The following NUAK1 variants were observed in gnomAD, a reference collection of about 807,000 sequenced individuals.
NUAK1 encodes NUAK family kinase 1.
A neutral mutation model predicts 56.9 loss-of-function variants in NUAK1; 26 were observed. The observed-to-expected ratio is 0.46, with a 90% CI of 0.33 to 0.63. The LOEUF (loss-of-function observed/expected upper bound fraction) is 0.63, where lower values mean the gene tolerates loss of function less well. Ranked by LOEUF, NUAK1 falls within the 30% of genes least tolerant of loss-of-function variation. NUAK1 has a pLI of 0.02. For synonymous variants in NUAK1, 337 were observed against 336.0 expected, an observed-to-expected ratio of 1.00 and a Z score of -0.03; for missense variants, 727 against 876.1, an observed-to-expected ratio of 0.83 and a Z score of 2.15.
intron 2 of NUAK1, among the ~76,000 whole-genome samples, chr12:106,102,408 GC>G (rs2032758956): frequency 6.6e-6 from 1 of 152,232 alleles, no homozygotes; most frequent in South Asian, 2.1e-4. Context: ...GTAGCCACTA[GC>G]CTCCTGTGGC....
chr12:106,070,262 C>T (rs935418750), intron 6 of NUAK1, among the ~76,000 whole-genome samples: 5 of 152,232 alleles, frequency 3.3e-5, no homozygotes, highest in African/African-American at 7.2e-5. Flanking sequence ...GAGATGATTT[C>T]ATGGTTGTGT....
chr12:106,126,250 C>T (rs544976768), intron 1 of NUAK1, among the ~76,000 whole-genome samples: 5 of 152,294 alleles, frequency 3.3e-5, no homozygotes, highest in East Asian at 1.9e-4. Context: ...GTGAACTCAA[C>T]GGGGCAATAT....
intron 4 of NUAK1, among the ~76,000 whole-genome samples, chr12:106,081,513 T>A (rs2032518017): frequency 6.6e-6 from 1 of 152,120 alleles, no homozygotes; most frequent in Non-Finnish European, 1.5e-5. Context: ...TAATACTGCT[T>A]TGTGTGTGTG....
At position 106,072,812 on chromosome 12, in the gene NUAK1, T is replaced by C; in HGVS notation, c.611A>G (p.Gln204Arg). The change falls in exon 5 of 7, where the codon CAG becomes CGG. Residue 204 changes from glutamine to arginine, a missense_variant. By Grantham distance (43) the Gln-to-Arg change is conservative (BLOSUM62 1). Coordinates refer to ENST00000261402, the MANE Select transcript of NUAK1 (RefSeq NM_014840.3). Reference protein sequence around the residue: ...IADFGLSNLYQKDKFLQTFCG... With the variant: ...IADFGLSNLYRKDKFLQTFCG... ...AAACGTTTGTAAGAACTTATCCTTC[T>C]GGTACAGGTTGGAAAGCCCAAAGTC... 1.2e-6 allele frequency: 2 copies of C among 1,614,068 alleles called. No individual in the cohort carries two copies. Among genetic ancestry groups the C allele is most frequent in the East Asian group, 2.2e-5 (1 of 44,876 alleles).
intron 1 of NUAK1, among the ~76,000 whole-genome samples, chr12:106,117,694 C>T (rs924419232): frequency 2.0e-5 from 3 of 152,252 alleles, no homozygotes; most frequent in African/African-American, 7.2e-5. Flanking sequence ...CATTGACCTA[C>T]TTTGCACAAA....
intron 2 of NUAK1, among the ~76,000 whole-genome samples, chr12:106,101,034 C>G (rs953074149): frequency 6.6e-6 from 1 of 152,208 alleles, no homozygotes; most frequent in South Asian, 2.1e-4. Flanking sequence ...GCCTGTCGAC[C>G]AACCGGCTTC....
At chr12:106,112,111 G>T (rs1407918722) in intron 1 of NUAK1, among the ~76,000 whole-genome samples, 1 of 151,872 alleles carries the variant, frequency 6.6e-6, no homozygotes, top group Non-Finnish European at 1.5e-5. Flanking sequence ...CAAAAGGAGG[G>T]ACTGGAGGGC....
At chr12:106,068,090 AT>A in intron 6 of NUAK1, 135 bp from the exon 7 acceptor site, 1 of 786,504 alleles carries the variant, frequency 1.3e-6, no homozygotes, top group Non-Finnish European at 1.9e-6. Context: ...GTCCAGCCAC[AT>A]TATGGAGCAG....
intron 2 of NUAK1, 125 bp from the exon 3 acceptor site, chr12:106,087,010 C>T (rs1455577594): frequency 8.1e-6 from 10 of 1,228,848 alleles, no homozygotes; most frequent in African/African-American, 1.5e-5. Context: ...TGGGTCAGAA[C>T]ACAAATCAGC....
intron 1 of NUAK1, among the ~76,000 whole-genome samples, chr12:106,135,424 G>A (rs1327441688): frequency 6.6e-6 from 1 of 152,216 alleles, no homozygotes; most frequent in Non-Finnish European, 1.5e-5. Flanking sequence ...GCCTTTCGCG[G>A]CACATAGAAA....
At chr12:106,099,043 A>C (rs536034385) in intron 2 of NUAK1, among the ~76,000 whole-genome samples, 4 of 152,302 alleles carry the variant, frequency 2.6e-5, no homozygotes, top group Non-Finnish European at 4.4e-5. Flanking sequence ...GGCTTTCCTT[A>C]GTATCACACA....
chr12:106,113,910 A>G (rs892368606), intron 1 of NUAK1, among the ~76,000 whole-genome samples: 3 of 152,086 alleles, frequency 2.0e-5, no homozygotes, highest in African/African-American at 7.2e-5. Flanking sequence ...CCGGAGCACG[A>G]AAAAGCCTCT....
intron 1 of NUAK1, among the ~76,000 whole-genome samples, chr12:106,133,077 A>G (rs544521142): frequency 6.6e-6 from 1 of 152,326 alleles, no homozygotes; most frequent in South Asian, 2.1e-4. Context: ...AAGAAGTATT[A>G]GTTGCTATTA....
Position 106,067,771 on chromosome 12 carries a change from T to C in NUAK1, c.1017A>G (p.Thr339=). Residue 339 remains threonine, a synonymous_variant, in exon 7 of 7, where the codon ACA becomes ACG. Transcript: ENST00000261402. This position sits in a 1 kb window ranked among gnomAD's most constrained non-coding sequence, Gnocchi z 6.0. Reference sequence around the variant, plus strand: ...TGGCTTCGGTGTCAGCCTGCAGCCCTGTGGAACGGTGGTGCCAGTCAATGA... The same window carrying C: ...TGGCTTCGGTGTCAGCCTGCAGCCCCGTGGAACGGTGGTGCCAGTCAATGA... ...ARIIDWHHRS[T]GLQADTEAKM... The C allele has an allele frequency of 6.2e-7, 1 of 1,614,202 alleles. No homozygotes were observed. Among genetic ancestry groups the C allele is most frequent in the Non-Finnish European group, 8.5e-7 (1 of 1,180,028 alleles).
chr12:106,083,763 G>T (rs1266464346), intron 4 of NUAK1, 101 bp downstream of exon 4: 6 of 973,048 alleles, frequency 6.2e-6, no homozygotes, highest in African/African-American at 1.6e-5. Flanking sequence ...CAGGTAGGAA[G>T]TGGCTGCCTT....
At chr12:106,074,234 T>C (rs1177910289) in intron 4 of NUAK1, among the ~76,000 whole-genome samples, 1 of 152,070 alleles carries the variant, frequency 6.6e-6, no homozygotes, top group African/African-American at 2.4e-5. Context: ...AATTAATATA[T>C]AATGCAAAAT....
At chr12:106,100,224 T>A (rs929226262) in intron 2 of NUAK1, among the ~76,000 whole-genome samples, 1 of 151,682 alleles carries the variant, frequency 6.6e-6, no homozygotes, top group Non-Finnish European at 1.5e-5. Context: ...CTTTTAGCAG[T>A]TTCCCACCAT....
intron 1 of NUAK1, among the ~76,000 whole-genome samples, chr12:106,109,887 G>T (rs942672929): frequency 2.0e-5 from 3 of 152,212 alleles, no homozygotes; most frequent in African/African-American, 7.2e-5. Context: ...AACCCAGAGT[G>T]AGTGTTCTGT....
chr12:106,118,562 G>A (rs1452204889), intron 1 of NUAK1, among the ~76,000 whole-genome samples: 1 of 152,186 alleles, frequency 6.6e-6, no homozygotes, highest in African/African-American at 2.4e-5. Context: ...GCTAAGCAAG[G>A]ACACTCCTTC....
Sources: gnomAD v4.1 joint callset for allele counts (sites outside exome capture counted in the v4.1 genomes callset) on GRCh38, gnomAD v4.1.1 for gene constraint, Gnocchi (gnomAD v3.1) non-coding constraint, MANE v1.5 for transcripts, NCBI Gene and HGNC (gene_info 2026-07-23, HGNC 2026-07-21) for gene names.